The following EPB41L2 variants were observed in gnomAD, a reference collection of about 807,000 sequenced individuals.
The protein encoded by EPB41L2 is erythrocyte membrane protein band 4.1 like 2.
Under a neutral mutation model 113.0 loss-of-function variants are expected in EPB41L2, and 43 were observed. The ratio of observed to expected loss-of-function variants is 0.38; its 90% CI spans 0.30 to 0.49. The LOEUF (loss-of-function observed/expected upper bound fraction) is 0.49. Ranked by LOEUF, EPB41L2 falls within the 20% of genes least tolerant of loss-of-function variation. The pLI, the probability that EPB41L2 is intolerant of heterozygous loss-of-function variation, is 0.95. For synonymous variants in EPB41L2, 442 were observed against 436.7 expected (o/e 1.01, Z -0.15); for missense variants, 1,147 against 1,223.4 (o/e 0.94, Z 0.93).
intron 17 of EPB41L2, among the ~76,000 whole-genome samples, chr6:130,864,752 G>A (rs748495554): frequency 2.0e-5 from 3 of 149,940 alleles, no homozygotes; most frequent in Admixed American, 6.7e-5. Context: ...GCATTTATGC[G>A]GCATTTTTAA....
At chr6:130,997,523 T>G (rs1283054634) in intron 1 of EPB41L2, among the ~76,000 whole-genome samples, 1 of 152,184 alleles carries the variant, frequency 6.6e-6, no homozygotes, top group African/African-American at 2.4e-5. Context: ...AGAAAGAGCC[T>G]TTCTTTGTTA....
At chr6:130,916,321 G>C (rs1462365334) in intron 4 of EPB41L2, among the ~76,000 whole-genome samples, 1 of 152,146 alleles carries the variant, frequency 6.6e-6, no homozygotes, top group Non-Finnish European at 1.5e-5. Context: ...ATCTGAGGAT[G>C]AAAGTCTTGT....
In EPB41L2 at chr6:130,956,261, A is replaced by G. The variant is rs1242302959; in HGVS notation, c.225T>C (p.Ser75=). The G allele has an allele frequency of 6.2e-7, 1 of 1,614,030 alleles. No homozygotes were observed. The highest frequency in any genetic ancestry group is 8.5e-7 in the Non-Finnish European group (1 of 1,180,040). The change falls in exon 2 of 20, where the codon TCT becomes TCC. Residue 75 remains serine (S), a synonymous_variant. Coordinates refer to ENST00000337057, the MANE Select transcript of EPB41L2 (RefSeq NM_001431.4). ...EKETSESRGI[S]RFIPPWLKKQ... is the part of the protein sequence containing the mutation. Reference sequence around the variant, plus strand: ...TCTTAAGCCATGGCGGTATGAACCGAGAAATACCCCTGCTCTCCGATGTTT... The same window carrying G: ...TCTTAAGCCATGGCGGTATGAACCGGGAAATACCCCTGCTCTCCGATGTTT...
intron 1 of EPB41L2, among the ~76,000 whole-genome samples, chr6:131,032,874 C>CG (rs1182994204): frequency 1.3e-5 from 2 of 152,168 alleles, no homozygotes; most frequent in African/African-American, 4.8e-5. Flanking sequence ...AGGCTGGGCA[C>CG]GGTGGCTCAC....
intron 1 of EPB41L2, among the ~76,000 whole-genome samples, chr6:131,005,112 A>G (rs1159558403): frequency 6.6e-6 from 1 of 152,208 alleles, no homozygotes; most frequent in African/African-American, 2.4e-5. Flanking sequence ...AGACAACAGA[A>G]AAAGGAAGAA....
intron 1 of EPB41L2, among the ~76,000 whole-genome samples, chr6:130,958,468 C>CAAAAAAAAAAAA (rs200548809): frequency 6.1e-5 from 7 of 113,834 alleles, no homozygotes; most frequent in East Asian, 2.5e-4. Flanking sequence ...ACAACAACAA[C>CAAAAAAAAAAAA]AAAAAAAAAA....
At chr6:130,963,241 G>A (rs7766938) in intron 1 of EPB41L2, among the ~76,000 whole-genome samples, 5,159 of 152,260 alleles carry the variant, frequency 0.034, 264 homozygotes, top group African/African-American at 0.11. Flanking sequence ...GTTGACTTCT[G>A]CATATTCTGA....
intron 1 of EPB41L2, among the ~76,000 whole-genome samples, chr6:130,986,664 C>T (rs1359990019): frequency 1.3e-5 from 2 of 151,726 alleles, no homozygotes; most frequent in Non-Finnish European, 2.9e-5. Flanking sequence ...TGGCTCACTG[C>T]AACCTCCACC....
In EPB41L2 at chr6:130,895,080, T is replaced by C. The variant is rs759557758; in HGVS notation, c.1276A>G (p.Asn426Asp). The C allele has an allele frequency of 7.4e-6, 12 of 1,613,590 alleles. No individual in the cohort carries two copies. The South Asian group carries it at 1.3e-4, about 18-fold the overall frequency. Residue 426 changes from asparagine to aspartate, a missense_variant, in exon 9 of 20, where the codon AAT (asparagine) becomes GAT (aspartate). Asn to Asp is a conservative substitution (Grantham distance 23, BLOSUM62 1). Coordinates refer to ENST00000337057, the MANE Select transcript of EPB41L2 (RefSeq NM_001431.4). ...CTGTCTTTGTAAATGAGAAGTCCAT[T>C]AGCACACACGCCCAGCTTGATGTCC... is the stretch of plus-strand genomic sequence containing the variant. ...GVDIKLGVCANGLLIYKDRLR... is the reference protein window; with the variant it reads ...GVDIKLGVCADGLLIYKDRLR...
intron 1 of EPB41L2, among the ~76,000 whole-genome samples, chr6:131,021,600 G>T (rs1393759137): frequency 6.6e-6 from 1 of 152,044 alleles, no homozygotes; most frequent in Non-Finnish European, 1.5e-5. Context: ...GGCAGAGGTT[G>T]CAGTGAGCCA....
intron 1 of EPB41L2, among the ~76,000 whole-genome samples, chr6:131,046,918 G>A (rs995289381): frequency 2.6e-5 from 4 of 152,116 alleles, no homozygotes; most frequent in East Asian, 1.9e-4. Context: ...ATAGTTACCC[G>A]TGGGGAGGGG....
chr6:131,041,428 C>T (rs1261628433), intron 1 of EPB41L2, among the ~76,000 whole-genome samples: 1 of 152,182 alleles, frequency 6.6e-6, no homozygotes, highest in African/African-American at 2.4e-5. Context: ...CAGCTAGAAA[C>T]ACCTGAGCTC....
At chr6:130,842,744 A>G (rs1775906409) in intron 19 of EPB41L2, among the ~76,000 whole-genome samples, 1 of 152,228 alleles carries the variant, frequency 6.6e-6, no homozygotes, top group Non-Finnish European at 1.5e-5. Context: ...TTATTACAGG[A>G]AACTAAGCAT....
intron 1 of EPB41L2, among the ~76,000 whole-genome samples, chr6:131,025,861 T>C (rs573117794): frequency 6.6e-6 from 1 of 152,238 alleles, no homozygotes; most frequent in African/African-American, 2.4e-5. Flanking sequence ...CACTTCAAAT[T>C]GTATGCAGTA....
intron 1 of EPB41L2, among the ~76,000 whole-genome samples, chr6:131,037,447 G>GA (rs1299139240): frequency 4.0e-5 from 6 of 151,600 alleles, no homozygotes; most frequent in South Asian, 2.1e-4. Context: ...CCCAGGGTTT[G>GA]AAAAAAAGTG....
chr6:130,878,031 C>A (rs770678476), intron 14 of EPB41L2, 73 bp downstream of exon 14: 85 of 1,439,748 alleles, frequency 5.9e-5, no homozygotes, highest in Middle Eastern at 4.4e-4. Context: ...CTAGACTCAA[C>A]ATAGAGATTA....
chr6:130,990,812 T>C (rs975223407), intron 1 of EPB41L2, among the ~76,000 whole-genome samples: 2 of 149,732 alleles, frequency 1.3e-5, no homozygotes, highest in Admixed American at 1.3e-4. Flanking sequence ...TATAACCTTA[T>C]TAACTATACA....
At chr6:131,062,902 C>T (rs558281377) in intron 1 of EPB41L2, among the ~76,000 whole-genome samples, 1 of 152,130 alleles carries the variant, frequency 6.6e-6, no homozygotes, top group South Asian at 2.1e-4. Flanking sequence ...AGCAACAGGA[C>T]CCGGACCCCC....
intron 3 of EPB41L2, among the ~76,000 whole-genome samples, chr6:130,945,291 T>TCAAA (rs1374948570): frequency 2.0e-5 from 3 of 151,864 alleles, no homozygotes; most frequent in African/African-American, 4.8e-5. Flanking sequence ...TAAAACACAC[T>TCAAA]CAAAGTAATG....
Sources: gnomAD v4.1 joint callset for allele counts (sites outside exome capture counted in the v4.1 genomes callset) on GRCh38, gnomAD v4.1.1 for gene constraint, MANE v1.5 for transcripts, NCBI Gene and HGNC (gene_info 2026-07-23, HGNC 2026-07-21) for gene names.